RAB11FIP4: variants seen among roughly 807,000 people sequenced by gnomAD.
RAB11FIP4 encodes rab11 family-interacting protein 4.
RAB11FIP4 carries 23 observed loss-of-function variants against 74.3 expected under a neutral mutation model. The observed-to-expected ratio is 0.31, with a 90% CI of 0.22 to 0.44. The LOEUF (loss-of-function observed/expected upper bound fraction) is 0.44, where lower values mean the gene tolerates loss of function less well. RAB11FIP4 is among the 20% of genes least tolerant of loss of function. The pLI, the probability that RAB11FIP4 is intolerant of heterozygous loss-of-function variation, is 1.00. For missense variants in RAB11FIP4, 630 were observed against 863.9 expected (o/e 0.73, Z 3.39); for synonymous variants, 360 against 359.9 (o/e 1.00, Z 0.00).
chr17:31,498,901 T>C (rs1319909746), intron 3 of RAB11FIP4, among the ~76,000 whole-genome samples: 4 of 152,202 alleles, frequency 2.6e-5, no homozygotes, highest in African/African-American at 7.2e-5. Flanking sequence ...TGGTAAAGTA[T>C]GGAGCCCCCA....
At chr17:31,454,206 A>T (rs1337750402) in intron 3 of RAB11FIP4, among the ~76,000 whole-genome samples, 1 of 152,160 alleles carries the variant, frequency 6.6e-6, no homozygotes, top group Non-Finnish European at 1.5e-5. Context: ...TCTCAACCAG[A>T]TCATTGCTAC....
Position 31,407,971 on chromosome 17 carries a change from C to T in RAB11FIP4, c.159+15960C>T, listed in dbSNP as rs190331848. Among the ~76,000 whole-genome samples the T allele has an allele frequency of 2.3e-3, 350 of 151,926 alleles. 1 individual carries two copies. The highest frequency in any genetic ancestry group is 4.6e-3 in the South Asian group (22 of 4,808). ...GCCAAATGGTGATTTTTTTCTAATT[C>T]TCTCATTCTTTCCACAGATAGAGCA... is the stretch of plus-strand genomic sequence containing the variant. On this transcript the variant is annotated intron_variant, in intron 1 of 14. Coordinates refer to ENST00000621161, the MANE Select transcript of RAB11FIP4 (RefSeq NM_032932.6).
chr17:31,516,101 C>T (rs565127320), intron 3 of RAB11FIP4, among the ~76,000 whole-genome samples: 47 of 152,168 alleles, frequency 3.1e-4, no homozygotes, highest in African/African-American at 9.4e-4. Flanking sequence ...CGTGAAATAC[C>T]TCATTTAATC....
chr17:31,523,156 A>C, intron 7 of RAB11FIP4: 1 of 327,562 alleles, frequency 3.1e-6, no homozygotes, highest in Admixed American at 3.8e-5. Context: ...GAGCTGGGCT[A>C]CCTCCTTGGG....
At chr17:31,412,906 G>C (rs2071112082) in intron 1 of RAB11FIP4, among the ~76,000 whole-genome samples, 1 of 152,210 alleles carries the variant, frequency 6.6e-6, no homozygotes, top group Admixed American at 6.5e-5. Context: ...GCTCAGAGAG[G>C]TCGGGGTCTG....
At chr17:31,469,997 C>T (rs1416405573) in intron 3 of RAB11FIP4, among the ~76,000 whole-genome samples, 1 of 152,208 alleles carries the variant, frequency 6.6e-6, no homozygotes, top group African/African-American at 2.4e-5. Context: ...CTCACAGGTC[C>T]TTCCTTCACA....
intron 1 of RAB11FIP4, among the ~76,000 whole-genome samples, chr17:31,394,654 C>T (rs2070910054): frequency 6.6e-6 from 1 of 152,064 alleles, no homozygotes; most frequent in African/African-American, 2.4e-5. Flanking sequence ...TTGTATCTGT[C>T]AAGAAAGAGA....
At position 31,416,208 on chromosome 17, in the gene RAB11FIP4, G is replaced by A. The variant is rs567320274; in HGVS notation, c.160-15605G>A. ...CTGGGCGCCACTAATTGCGGAGCTG[G>A]TCCTGGGCCCGGGGCTCCTGACTCC... On this transcript the variant is annotated intron_variant, in intron 1 of 14. Coordinates refer to ENST00000621161, the MANE Select transcript of RAB11FIP4 (RefSeq NM_032932.6). 2.6e-5 allele frequency among the ~76,000 whole-genome samples: 4 copies of A among 152,284 alleles called. No individual in the cohort carries two copies. In the South Asian group the frequency reaches 8.3e-4, roughly 32 times the overall value.
chr17:31,509,141 G>C (rs1485264174), intron 3 of RAB11FIP4: 1 of 152,586 alleles, frequency 6.6e-6, no homozygotes. Context: ...CTGCCCAAGA[G>C]CCTCAGTCTC....
chr17:31,469,708 CT>C (rs1305470117), intron 3 of RAB11FIP4, among the ~76,000 whole-genome samples: 1 of 151,214 alleles, frequency 6.6e-6, no homozygotes, highest in Non-Finnish European at 1.5e-5. Flanking sequence ...GGAAAGGCCT[CT>C]TTGAGACATT....
intron 3 of RAB11FIP4, among the ~76,000 whole-genome samples, chr17:31,454,930 G>C (rs1017170096): frequency 1.3e-5 from 2 of 152,110 alleles, no homozygotes; most frequent in Non-Finnish European, 2.9e-5. Flanking sequence ...AGGCAGTGGA[G>C]GTGCCAGGTG....
At chr17:31,398,512 G>C (rs2070952903) in intron 1 of RAB11FIP4, among the ~76,000 whole-genome samples, 1 of 152,178 alleles carries the variant, frequency 6.6e-6, no homozygotes, top group African/African-American at 2.4e-5. Context: ...CTGAATGGGG[G>C]ACATATAGAC....
At chr17:31,527,760 A>T in intron 10 of RAB11FIP4, 82 bp from the exon 11 acceptor site, 1 of 965,344 alleles carries the variant, frequency 1.0e-6, no homozygotes, top group East Asian at 2.6e-5. Context: ...GGGAGGAAGC[A>T]GAGAATCACT....
At chr17:31,468,827 T>G (rs1259385825) in intron 3 of RAB11FIP4, among the ~76,000 whole-genome samples, 1 of 97,040 alleles carries the variant, frequency 1.0e-5, no homozygotes, top group Non-Finnish European at 2.6e-5. Flanking sequence ...AGACTCTGTC[T>G]CAAAAAAAAA....
intron 3 of RAB11FIP4, among the ~76,000 whole-genome samples, chr17:31,484,283 C>T (rs1194152546): frequency 6.6e-6 from 1 of 151,796 alleles, no homozygotes; most frequent in Non-Finnish European, 1.5e-5. Flanking sequence ...GTTGGCCAGG[C>T]TGGTCTCGAA....
intron 4 of RAB11FIP4, chr17:31,518,786 T>G (rs2072608180): frequency 6.6e-6 from 1 of 152,196 alleles, no homozygotes; most frequent in Non-Finnish European, 1.5e-5. Context: ...TAGAAAAAAA[T>G]TAATCTGGAA....
At chr17:31,488,991 C>G (rs570199656) in intron 3 of RAB11FIP4, among the ~76,000 whole-genome samples, 1 of 152,214 alleles carries the variant, frequency 6.6e-6, no homozygotes, top group Non-Finnish European at 1.5e-5. Context: ...TGCAAACTCT[C>G]CAGTGCCTTC....
chr17:31,488,112 G>A (rs1484875852), intron 3 of RAB11FIP4: 2 of 1,024,204 alleles, frequency 2.0e-6, no homozygotes, highest in Non-Finnish European at 2.3e-6. Context: ...CCTTCCACTG[G>A]TGCCCAGAAG....
rs2072972372 is a variant in RAB11FIP4, at chr17:31,536,820, A to G, written c.*5088A>G. 1 of 396,584 alleles carries G rather than the reference A, an allele frequency of 2.5e-6. No individual in the cohort carries two copies. Among genetic ancestry groups the G allele is most frequent in the Non-Finnish European group, 4.4e-6 (1 of 225,302 alleles). The allele number at this position is 396,584 out of a possible 1,614,324, so 24.6% of individuals were successfully genotyped here. A position where few individuals can be genotyped will look rare whatever the true frequency, so the allele number is the denominator to read the frequency against. On this transcript the variant is annotated 3_prime_UTR_variant, in exon 15 of 15. Transcript: ENST00000621161. Reference sequence around the variant, plus strand: ...TGCCATATTCTCTGCTACCCACCAGAGAAAATAGGCTGCCTTCTAGAAAGA... The same window carrying G: ...TGCCATATTCTCTGCTACCCACCAGGGAAAATAGGCTGCCTTCTAGAAAGA...
Sources: gnomAD v4.1 joint callset for allele counts (sites outside exome capture counted in the v4.1 genomes callset) on GRCh38, gnomAD v4.1.1 for gene constraint, MANE v1.5 for transcripts, NCBI Gene and HGNC (gene_info 2026-07-23, HGNC 2026-07-21) for gene names.